NELL1: variants seen among roughly 807,000 people sequenced by gnomAD.
The protein encoded by NELL1 is protein kinase C-binding protein NELL1.
NELL1 carries 76 observed loss-of-function variants against 107.4 expected under a neutral mutation model. That is an observed-to-expected ratio of 0.71 (90% CI 0.59 to 0.86). The LOEUF is 0.86. Ranked by LOEUF, NELL1 falls within the 40% of genes least tolerant of loss-of-function variation. The probability of loss-of-function intolerance (pLI) is 0.00; values close to 1 mark genes in which losing one functional copy is unlikely to be tolerated. For missense variants in NELL1, 1,024 were observed against 1,005.5 expected, an observed-to-expected ratio of 1.02 and a Z score of -0.25; for synonymous variants, 353 against 341.2, an observed-to-expected ratio of 1.03 and a Z score of -0.38.
intron 2 of NELL1, among the ~76,000 whole-genome samples, chr11:20,690,422 T>A (rs531248979): frequency 6.6e-6 from 1 of 152,066 alleles, no homozygotes. Context: ...TTAGGTCTAA[T>A]GTTTAAGTCT....
intron 2 of NELL1, among the ~76,000 whole-genome samples, chr11:20,768,538 T>C (rs1856580171): frequency 6.6e-6 from 1 of 152,260 alleles, no homozygotes; most frequent in Non-Finnish European, 1.5e-5. Context: ...AACCTGTGAC[T>C]ATATTACTTC....
At chr11:21,317,157 A>G (rs935261984) in intron 14 of NELL1, among the ~76,000 whole-genome samples, 3 of 152,060 alleles carry the variant, frequency 2.0e-5, no homozygotes, top group African/African-American at 7.2e-5. Context: ...GCAAGAATTT[A>G]TGCTCTTAGC....
intron 2 of NELL1, among the ~76,000 whole-genome samples, chr11:20,765,054 A>C (rs1856501268): frequency 6.6e-6 from 1 of 152,100 alleles, no homozygotes; most frequent in South Asian, 2.1e-4. Context: ...GCTACTTCGG[A>C]GGCTGAGGTA....
At chr11:20,843,302 T>C (rs1055429331) in intron 3 of NELL1, among the ~76,000 whole-genome samples, 4 of 152,110 alleles carry the variant, frequency 2.6e-5, no homozygotes, top group Non-Finnish European at 4.4e-5. Flanking sequence ...AGAAAAATCA[T>C]TGTTGGAATG....
At chr11:20,878,525 G>C (rs1180395409) in intron 4 of NELL1, among the ~76,000 whole-genome samples, 1 of 152,100 alleles carries the variant, frequency 6.6e-6, no homozygotes, top group African/African-American at 2.4e-5. Context: ...GTGAGAGACA[G>C]TGAGAGGAGT....
intron 13 of NELL1, among the ~76,000 whole-genome samples, chr11:21,161,041 AC>A (rs999931941): frequency 6.7e-6 from 1 of 148,358 alleles, no homozygotes; most frequent in African/African-American, 2.5e-5. Flanking sequence ...ACACACACAC[AC>A]ATTTATTAGT....
At chr11:21,232,157 A>ATAAAAAAAAAATATATATAT in intron 14 of NELL1, among the ~76,000 whole-genome samples, 1 of 51,038 alleles carries the variant, frequency 2.0e-5, no homozygotes, top group South Asian at 7.2e-4. Flanking sequence ...TAAAAAAAAA[A>ATAAAAAAAAAATATATATAT]AAATATATAT....
chr11:21,218,267 A>G (rs1467074901), intron 13 of NELL1, among the ~76,000 whole-genome samples: 1 of 152,262 alleles, frequency 6.6e-6, no homozygotes, highest in Non-Finnish European at 1.5e-5. Context: ...ATTTGCTTCA[A>G]ATGCCTATCT....
intron 2 of NELL1, among the ~76,000 whole-genome samples, chr11:20,755,898 T>G (rs1400233246): frequency 8.9e-6 from 1 of 112,076 alleles, no homozygotes; most frequent in Admixed American, 8.7e-5. Flanking sequence ...TTTTTTTTTT[T>G]TTTTTTTTTT....
chr11:21,382,028 A>G (rs1851626330), intron 15 of NELL1, among the ~76,000 whole-genome samples: 1 of 150,254 alleles, frequency 6.7e-6, no homozygotes, highest in South Asian at 2.1e-4. Context: ...CTCTGTACAT[A>G]GGAAGAGTTG....
intron 17 of NELL1, among the ~76,000 whole-genome samples, chr11:21,560,936 T>C (rs927363286): frequency 3.3e-5 from 5 of 152,094 alleles, no homozygotes; most frequent in Non-Finnish European, 7.4e-5. Context: ...ATTCCTTATA[T>C]TAAGTTGTTG....
chr11:20,706,435 G>T lies in NELL1; in HGVS notation c.184+28375G>T, dbSNP rs149004176. On this transcript the variant is annotated intron_variant, in intron 2 of 19. Coordinates refer to ENST00000357134, the MANE Select transcript of NELL1 (RefSeq NM_006157.5). ...TCACAAGGACAAAAAACCAAACACC[G>T]CATGTTTTTACTCAGAGGTGGGGAT... Among the ~76,000 whole-genome samples, 992 of 148,788 alleles carry T rather than the reference G, an allele frequency of 6.7e-3. 7 individuals carry two copies. Among genetic ancestry groups the T allele is most frequent in the African/African-American group, 0.024 (949 of 40,262 alleles).
At chr11:21,218,666 C>T (rs375798793) in intron 13 of NELL1, among the ~76,000 whole-genome samples, 1 of 152,248 alleles carries the variant, frequency 6.6e-6, no homozygotes, top group Non-Finnish European at 1.5e-5. Flanking sequence ...TCCAGCTTCT[C>T]ATAACCACAA....
At chr11:21,181,210 G>T (rs918953055) in intron 13 of NELL1, among the ~76,000 whole-genome samples, 20 of 151,796 alleles carry the variant, frequency 1.3e-4, no homozygotes, top group Non-Finnish European at 4.4e-5. Context: ...CATTTATATT[G>T]TATTTATGGG....
chr11:21,179,862 C>CTTTTTTTTTTTTTTTTTT (rs1164420669), intron 13 of NELL1, among the ~76,000 whole-genome samples: 1 of 75,710 alleles, frequency 1.3e-5, no homozygotes, highest in African/African-American at 5.7e-5. Flanking sequence ...AATCAACACA[C>CTTTTTTTTTTTTTTTTTT]TTTTTTTTTT....
rs369554516 is a variant in NELL1, at chr11:20,927,381, T to A, written c.833T>A (p.Leu278Gln). The change falls in exon 8 of 20, where the codon CTG (leucine) becomes CAG (glutamine). Residue 278 changes from leucine (L) to glutamine (Q), a missense_variant. Leu to Gln is a moderately radical substitution (Grantham distance 113, BLOSUM62 -2). Transcript: ENST00000357134. ...HCEKTCQVSG[L>Q]LYRDQDSWVD... ...GAGAAGACTTGTCAAGTGAGTGGAC[T>A]GCTCTATCGAGATCAAGACTCTTGG... 2.0e-5 allele frequency: 32 copies of A among 1,613,414 alleles called. No homozygotes were observed. The highest frequency in any genetic ancestry group is 2.5e-5 in the Non-Finnish European group (30 of 1,179,666).
At chr11:20,872,823 A>G (rs1170454371) in intron 4 of NELL1, among the ~76,000 whole-genome samples, 1 of 152,122 alleles carries the variant, frequency 6.6e-6, no homozygotes, top group East Asian at 1.9e-4. Flanking sequence ...GGGAATGGTC[A>G]ATCATCAGGC....
rs1380139284 is a variant in NELL1, at chr11:21,148,418, G to T, written c.1426+34704G>T. Among the ~76,000 whole-genome samples, 4 of 152,162 alleles carry T rather than the reference G, an allele frequency of 2.6e-5. No individual in the cohort carries two copies. The East Asian group carries it at 7.7e-4, about 29-fold the overall frequency. ...CAGTCAGAAGAATGGGAATAGCAGG[G>T]TTTTATCAGGAAAAGCATGTGTTCC... On this transcript the variant is annotated intron_variant, in intron 13 of 19. Transcript: ENST00000357134.
chr11:21,446,051 C>T (rs2133851965), intron 15 of NELL1, among the ~76,000 whole-genome samples: 1 of 151,626 alleles, frequency 6.6e-6, no homozygotes, highest in South Asian at 2.1e-4. Flanking sequence ...TCTTTAGTCT[C>T]CTCTGAGTGT....
Sources: gnomAD v4.1 joint callset for allele counts (sites outside exome capture counted in the v4.1 genomes callset) on GRCh38, gnomAD v4.1.1 for gene constraint, MANE v1.5 for transcripts, NCBI Gene and HGNC (gene_info 2026-07-23, HGNC 2026-07-21) for gene names.